The following ZFTA variants were observed in gnomAD, a reference collection of about 807,000 sequenced individuals.
ZFTA encodes zinc finger translocation associated.
A neutral mutation model predicts 41.8 loss-of-function variants in ZFTA; 35 were observed. The ratio of observed to expected loss-of-function variants is 0.84; its 90% CI spans 0.64 to 1.11. The LOEUF (loss-of-function observed/expected upper bound fraction) is 1.11. Ranked by LOEUF, ZFTA falls within the 50% of genes most tolerant of loss-of-function variation. The pLI, the probability that ZFTA is intolerant of heterozygous loss-of-function variation, is 0.00. For synonymous variants in ZFTA, 514 were observed against 436.4 expected, an observed-to-expected ratio of 1.18 and a Z score of -2.22; for missense variants, 964 against 989.8, an observed-to-expected ratio of 0.97 and a Z score of 0.35.
rs1378163374 is a variant in ZFTA at position 63,761,577 on chromosome 11, G to A, written c.*1841C>T. On this transcript the variant is annotated 3_prime_UTR_variant, in exon 5 of 5. Transcript: ENST00000433688. Reference sequence around the variant, plus strand: ...AGTGTGGCATCGTGCAAAGAACACTGAGTCAGGAGCTAGGATTTTCATTCT... The same window carrying A: ...AGTGTGGCATCGTGCAAAGAACACTAAGTCAGGAGCTAGGATTTTCATTCT... The A allele has an allele frequency of 6.6e-6, 1 of 152,200 alleles. No individual in the cohort carries two copies. Among genetic ancestry groups the A allele is most frequent in the Non-Finnish European group, 1.5e-5 (1 of 68,038 alleles). The allele number at this position is 152,200 out of a possible 1,614,324, so 9.4% of individuals were successfully genotyped here.
chr11:63,768,581 G>A lies in ZFTA; in HGVS notation c.42C>T (p.Gly14=). 4.8e-6 allele frequency: 5 copies of A among 1,051,962 alleles called. No homozygotes were observed. Among genetic ancestry groups the A allele is most frequent in the Non-Finnish European group, 5.7e-6 (5 of 876,278 alleles). 65.2% of individuals were successfully genotyped at this position (1,051,962 alleles called of 1,614,324 possible). Residue 14 remains glycine (G), a synonymous_variant, in exon 1 of 5, where the codon GGC becomes GGT. Coordinates refer to ENST00000433688, the MANE Select transcript of ZFTA (RefSeq NM_001144936.2). Reference sequence around the variant, plus strand: ...CCACTGCTGGCCCGGGGCCGCCCCTGCCGCCGCTGCTCCGGCTCCGGTGGT... The same window carrying A: ...CCACTGCTGGCCCGGGGCCGCCCCTACCGCCGCTGCTCCGGCTCCGGTGGT... ...GGDHRSRSSG[G]RGGPGPAVAS... is the part of the protein sequence containing the mutation.
chr11:63,763,817 CTCT>C lies in ZFTA; in HGVS notation c.1635_1637del (p.Glu547del), dbSNP rs1482182155. On this transcript the variant is annotated inframe_deletion, in exon 5 of 5. Transcript: ENST00000433688. ...GCTCCTGGCCGTCCTCTTCGTCCTC[CTCT>C]TCTTCGGCGGGCCGCTCCAAGGGAG... 25 of 1,446,362 alleles carry C rather than the reference CTCT, an allele frequency of 1.7e-5. No homozygotes were observed. The highest frequency in any genetic ancestry group is 2.6e-5 in the East Asian group (1 of 38,128). 89.6% of individuals were successfully genotyped at this position (1,446,362 alleles called of 1,614,324 possible).
Position 63,763,282 on chromosome 11 carries a change from C to G in ZFTA, c.*136G>C, listed in dbSNP as rs2014679575. The G allele has an allele frequency of 1.7e-6, 1 of 578,094 alleles. No individual in the cohort carries two copies. The highest frequency in any genetic ancestry group is 2.3e-6 in the Non-Finnish European group (1 of 433,870). The allele number at this position is 578,094 out of a possible 1,614,324, so 35.8% of individuals were successfully genotyped here. On this transcript the variant is annotated 3_prime_UTR_variant, in exon 5 of 5. Transcript: ENST00000433688. Reference sequence around the variant, plus strand: ...CCCGATCCCCCGTCTCCGCCCGGCCCGGCCAGCGGGGGGCGCGGCCGCGGG... The same window carrying G: ...CCCGATCCCCCGTCTCCGCCCGGCCGGGCCAGCGGGGGGCGCGGCCGCGGG...
At position 63,765,225 on chromosome 11, in the gene ZFTA, G is replaced by A; in HGVS notation, c.667C>T (p.Arg223Cys). The change falls in exon 3 of 5, where the codon CGC becomes TGC. Residue 223 changes from arginine to cysteine, a missense_variant. Physicochemically the swap from Arg to Cys is radical, Grantham distance 180 (BLOSUM62 -3). Around this residue, in one of 5 missense-constraint regions of ZFTA, gnomAD observed 141 missense variants for 216.7 expected, o/e 0.65. Coordinates refer to ENST00000433688, the MANE Select transcript of ZFTA (RefSeq NM_001144936.2). This position sits in a 1 kb window ranked among gnomAD's most constrained non-coding sequence, Gnocchi z 4.0. ...GKAPAGGGCR[R>C]QRRGGPVAPR... Reference sequence around the variant, plus strand: ...GCCACTGGGCCCCCTCGCCGCTGGCGCCGGCAGCCCCCACCAGCTGGGGCT... The same window carrying A: ...GCCACTGGGCCCCCTCGCCGCTGGCACCGGCAGCCCCCACCAGCTGGGGCT... 2 of 1,461,448 alleles carry A rather than the reference G, an allele frequency of 1.4e-6. No individual in the cohort carries two copies. Among genetic ancestry groups the A allele is most frequent in the Non-Finnish European group, 1.8e-6 (2 of 1,113,254 alleles). 90.5% of individuals were successfully genotyped at this position (1,461,448 alleles called of 1,614,324 possible).
chr11:63,768,444 C>A, intron 1 of ZFTA, 40 bp downstream of exon 1: 1 of 1,086,124 alleles, frequency 9.2e-7, no homozygotes, highest in East Asian at 6.4e-5. Context: ...CCTTCCCCCA[C>A]GCCGGGGCCC....
At chr11:63,768,282 G>A (rs1327535228) in intron 1 of ZFTA, among the ~76,000 whole-genome samples, 2 of 149,280 alleles carry the variant, frequency 1.3e-5, no homozygotes, top group African/African-American at 4.9e-5. Context: ...CGAGCCGCCC[G>A]AGCCCCGCGA....
chr11:63,764,521 C>G lies in ZFTA; in HGVS notation c.1102G>C (p.Asp368His). The G allele has an allele frequency of 8.0e-7, 1 of 1,257,392 alleles. No individual in the cohort carries two copies. The highest frequency in any genetic ancestry group is 1.0e-6 in the Non-Finnish European group (1 of 995,624). The allele number at this position is 1,257,392 out of a possible 1,614,324, so 77.9% of individuals were successfully genotyped here. Residue 368 changes from aspartate (D) to histidine (H), a missense_variant, in exon 4 of 5, where the codon GAT (aspartate) becomes CAT (histidine). By Grantham distance (81) the Asp-to-His change is moderately conservative. Around this residue, in one of 5 missense-constraint regions of ZFTA, gnomAD observed 584 missense variants for 523.1 expected, o/e 1.12. Coordinates refer to ENST00000433688, the MANE Select transcript of ZFTA (RefSeq NM_001144936.2). ...TCCTTTACGTCTGGGGGGCTGAGAT[C>G]CTGAGAGGAGGGGGCTCCAGCAGCG... The part of the protein sequence containing the change: ...ASAAGAPSSQ[D>H]LSPPDVKEEA...
At chr11:63,764,733 G>C in intron 3 of ZFTA, 135 bp from the exon 4 acceptor site, 2 of 1,354,032 alleles carry the variant, frequency 1.5e-6, no homozygotes, top group Non-Finnish European at 1.9e-6. Flanking sequence ...TGGGGGCAGG[G>C]GGAAAGTATG....
chr11:63,768,366 C>A (rs1272327120), intron 1 of ZFTA, 118 bp downstream of exon 1: 12 of 587,300 alleles, frequency 2.0e-5, no homozygotes, highest in Non-Finnish European at 2.6e-5. Flanking sequence ...CAGGTGGCGC[C>A]CCCGGCCGCC....
Position 63,768,491 on chromosome 11 carries a change from G to A in ZFTA, c.132C>T (p.Asp44=). 1 of 1,201,704 alleles carries A rather than the reference G, an allele frequency of 8.3e-7. No individual in the cohort carries two copies. The highest frequency in any genetic ancestry group is 1.8e-5 in the South Asian group (1 of 56,756). The allele number at this position is 1,201,704 out of a possible 1,614,324, so 74.4% of individuals were successfully genotyped here. The change falls in exon 1 of 5, where the codon GAC becomes GAT. Residue 44 remains aspartate (D), a synonymous_variant. Transcript: ENST00000433688. The part of the protein sequence containing the change: ...GSSGSAEPEE[D]EGGQDLQLEG... Reference sequence around the variant, plus strand: ...GCCGGCCCCAGCTCTTACCGCCTTCGTCTTCCTCTGGCTCCGCGCTGCCGC... The same window carrying A: ...GCCGGCCCCAGCTCTTACCGCCTTCATCTTCCTCTGGCTCCGCGCTGCCGC...
rs900364235 is a variant in ZFTA at position 63,765,718 on chromosome 11, G to T, written c.637+89C>A. On this transcript the variant is annotated intron_variant, in intron 2 of 4. Coordinates refer to ENST00000433688, the MANE Select transcript of ZFTA (RefSeq NM_001144936.2). The surrounding 1 kb of genome is among the most constrained non-coding windows in gnomAD (Gnocchi z 4.0). ...AGAGGAGGAGCAGTGCCTTGCTCAA[G>T]AACACCAGCTCCTTGGCAGAGCAGC... is the stretch of plus-strand genomic sequence containing the variant. The T allele has an allele frequency of 1.4e-6, 2 of 1,415,964 alleles. No individual in the cohort carries two copies. Among genetic ancestry groups the T allele is most frequent in the African/African-American group, 2.9e-5 (2 of 69,136 alleles). 87.7% of individuals were successfully genotyped at this position (1,415,964 alleles called of 1,614,324 possible).
At position 63,765,131 on chromosome 11, in the gene ZFTA, C is replaced by G. The variant is rs776171287; in HGVS notation, c.761G>C (p.Arg254Pro). 2.6e-6 allele frequency: 4 copies of G among 1,547,682 alleles called. No homozygotes were observed. Among genetic ancestry groups the G allele is most frequent in the Non-Finnish European group, 3.5e-6 (4 of 1,146,208 alleles). Residue 254 changes from arginine (R) to proline (P), a missense_variant, in exon 3 of 5, where the codon CGG becomes CCG. By Grantham distance (103) the Arg-to-Pro change is moderately radical. This residue lies in a region of ZFTA where 584 missense variants were observed against 523.1 expected (regional missense o/e 1.12). Transcript: ENST00000433688. The surrounding 1 kb of genome is among the most constrained non-coding windows in gnomAD (Gnocchi z 4.0). Reference sequence around the variant, plus strand: ...CTCCTTCAGCCTCCTCTCCAGGCGCCGGGCCCCCAGCCCCCTGCTGCCCCC... The same window carrying G: ...CTCCTTCAGCCTCCTCTCCAGGCGCGGGGCCCCCAGCCCCCTGCTGCCCCC... ...RAGGSRGLGA[R>P]RLERRLKESL...
chr11:63,768,405 G>A (rs1019280544), intron 1 of ZFTA, 79 bp downstream of exon 1: 7 of 894,214 alleles, frequency 7.8e-6, no homozygotes, highest in African/African-American at 1.8e-5. Context: ...TTGTTCGGCG[G>A]CGGAGAGGGG....
In ZFTA at chr11:63,768,382, C is replaced by T. The variant is rs2014781498; in HGVS notation, c.139+102G>A. Reference sequence around the variant, plus strand: ...AGGTGGCGCCCCCGGCCGCCCTGCCCGCGTCCCCCGCTTTGTTCGGCGGCG... The same window carrying T: ...AGGTGGCGCCCCCGGCCGCCCTGCCTGCGTCCCCCGCTTTGTTCGGCGGCG... On this transcript the variant is annotated intron_variant, in intron 1 of 4. Transcript: ENST00000433688. 1.1e-5 allele frequency: 8 copies of T among 752,914 alleles called. No individual in the cohort carries two copies. In the South Asian group the frequency reaches 4.1e-4, roughly 39 times the overall value. The allele number at this position is 752,914 out of a possible 1,614,324, so 46.6% of individuals were successfully genotyped here.
At chr11:63,768,013 G>A (rs1373428674) in intron 1 of ZFTA, among the ~76,000 whole-genome samples, 1 of 152,136 alleles carries the variant, frequency 6.6e-6, no homozygotes, top group African/African-American at 2.4e-5. Context: ...CACGAGACGA[G>A]AGGAGCAGCC....
In ZFTA at chr11:63,764,562, C is replaced by T; in HGVS notation, c.1061G>A (p.Ser354Asn). 1 of 1,254,806 alleles carries T rather than the reference C, an allele frequency of 8.0e-7. No homozygotes were observed. The highest frequency in any genetic ancestry group is 1.0e-6 in the Non-Finnish European group (1 of 995,144). The allele number at this position is 1,254,806 out of a possible 1,614,324, so 77.7% of individuals were successfully genotyped here. A position where few individuals can be genotyped will look rare whatever the true frequency, so the allele number is the denominator to read the frequency against. ...TCCAGCAGCGGAGGCCGAGTCCCGG[C>T]TCTTTCCGGTCAGGTCCTGGGGGGC... is the stretch of plus-strand genomic sequence containing the variant. ...DLAPQDLTGK[S>N]RDSASAAGAP... is the part of the protein sequence containing the mutation. The change falls in exon 4 of 5, where the codon AGC (serine) becomes AAC (asparagine). Residue 354 changes from serine (S) to asparagine (N), a missense_variant. Physicochemically the swap from Ser to Asn is conservative, Grantham distance 46 (BLOSUM62 1). Transcript: ENST00000433688.
chr11:63,765,004 G>A lies in ZFTA; in HGVS notation c.888C>T (p.His296=). 4 of 1,548,932 alleles carry A rather than the reference G, an allele frequency of 2.6e-6. No individual in the cohort carries two copies. Among genetic ancestry groups the A allele is most frequent in the East Asian group, 2.4e-5 (1 of 40,866 alleles). ...GCACGTGGGCACGGATGTCGTCCAGGTGCAGGCTGGGCAGTGCCCGGCCAC... is the reference window on the plus strand; with the variant it reads ...GCACGTGGGCACGGATGTCGTCCAGATGCAGGCTGGGCAGTGCCCGGCCAC... ...MACGRALPSL[H]LDDIRAHVLE... The change falls in exon 3 of 5, where the codon CAC becomes CAT. Residue 296 remains histidine (H), a synonymous_variant. Coordinates refer to ENST00000433688, the MANE Select transcript of ZFTA (RefSeq NM_001144936.2). This position sits in a 1 kb window ranked among gnomAD's most constrained non-coding sequence, Gnocchi z 4.0.
rs2014730524 is a variant in ZFTA at position 63,765,478 on chromosome 11, A to G, written c.638-224T>C. On this transcript the variant is annotated intron_variant, in intron 2 of 4. Transcript: ENST00000433688. This position sits in a 1 kb window ranked among gnomAD's most constrained non-coding sequence, Gnocchi z 4.0. The stretch of plus-strand genomic sequence containing the variant: ...GAATCTAGCCCTGTCCCTGGCCTTC[A>G]CCGTCAGCCACACCTCTCCAGCACC... Among the ~76,000 whole-genome samples the G allele has an allele frequency of 6.6e-6, 1 of 151,608 alleles. No homozygotes were observed. Among genetic ancestry groups the G allele is most frequent in the Admixed American group, 6.6e-5 (1 of 15,220 alleles).
intron 4 of ZFTA, 29 bp from the exon 5 acceptor site, chr11:63,763,898 G>A: frequency 7.1e-7 from 1 of 1,409,456 alleles, no homozygotes; most frequent in Non-Finnish European, 9.2e-7. Context: ...CCGCATTGGC[G>A]ACGGCGGGGG....
Sources: allele counts gnomAD v4.1 joint callset (sites outside exome capture counted in the v4.1 genomes callset), GRCh38; gene constraint gnomAD v4.1.1; regional missense constraint gnomAD v4.1.1; non-coding constraint Gnocchi (gnomAD v3.1); transcripts MANE v1.5; gene names NCBI Gene and HGNC (gene_info 2026-07-23, HGNC 2026-07-21).